ATRNL1: variants seen among roughly 807,000 people sequenced by gnomAD.
ATRNL1 encodes the protein attractin like 1, also known as attractin-like protein 1.
In ATRNL1, 95 loss-of-function variants were observed where a neutral mutation model predicts 182.7. The observed-to-expected ratio is 0.52, with a 90% CI of 0.44 to 0.62. The LOEUF (loss-of-function observed/expected upper bound fraction) is 0.62, where lower values mean the gene tolerates loss of function less well. Among genes scored for constraint, ATRNL1 ranks in the 20% least tolerant of loss-of-function variants. ATRNL1 has a pLI of 0.00. For missense variants in ATRNL1, 1,471 were observed against 1,679.5 expected, an observed-to-expected ratio of 0.88 and a Z score of 2.17; for synonymous variants, 576 against 568.3, an observed-to-expected ratio of 1.01 and a Z score of -0.19.
chr10:115,169,799 C>A (rs1442122145), intron 7 of ATRNL1, among the ~76,000 whole-genome samples: 2 of 151,990 alleles, frequency 1.3e-5, no homozygotes, highest in Admixed American at 1.3e-4. Context: ...TTATTTATAT[C>A]TTTTAAAAAT....
At chr10:115,497,833 T>G (rs1011166693) in intron 24 of ATRNL1, among the ~76,000 whole-genome samples, 7 of 152,056 alleles carry the variant, frequency 4.6e-5, no homozygotes, top group African/African-American at 1.7e-4. Context: ...AATTTTTGTA[T>G]TTTTAGTAGA....
At chr10:115,180,686 C>T (rs1847715497) in intron 8 of ATRNL1, among the ~76,000 whole-genome samples, 1 of 151,902 alleles carries the variant, frequency 6.6e-6, no homozygotes, top group Non-Finnish European at 1.5e-5. Context: ...AACCATGGAA[C>T]AAAATTTTCA....
intron 27 of ATRNL1, among the ~76,000 whole-genome samples, chr10:115,803,244 T>C (rs1401349682): frequency 1.4e-5 from 2 of 139,694 alleles, no homozygotes; most frequent in Non-Finnish European, 3.2e-5. Flanking sequence ...CCTAAATTAA[T>C]TTGGCAAGAT....
chr10:115,596,925 T>G (rs1367236387), intron 26 of ATRNL1, among the ~76,000 whole-genome samples: 1 of 152,132 alleles, frequency 6.6e-6, no homozygotes, highest in African/African-American at 2.4e-5. Context: ...CAATAATTGA[T>G]TTATAATGTT....
intron 1 of ATRNL1, among the ~76,000 whole-genome samples, chr10:115,116,224 T>C (rs1182359523): frequency 1.3e-5 from 2 of 152,076 alleles, no homozygotes; most frequent in African/African-American, 4.8e-5. Flanking sequence ...GTAGTACTGA[T>C]CTAGATGAAT....
At chr10:115,588,452 A>C (rs1171875233) in intron 26 of ATRNL1, among the ~76,000 whole-genome samples, 1 of 152,234 alleles carries the variant, frequency 6.6e-6, no homozygotes, top group East Asian at 1.9e-4. Context: ...CCAAAACTTT[A>C]GTAAGATGGC....
rs797025520 is a variant in ATRNL1 at position 115,228,354 on chromosome 10, A to G, written c.1532+12474A>G. On this transcript the variant is annotated intron_variant, in intron 9 of 28. Transcript: ENST00000355044. The stretch of plus-strand genomic sequence containing the variant: ...AAATGATTCCTTTTATGTTTTTGGT[A>G]TATTTTGCTGATTCATATTATCTTT... Among the ~76,000 whole-genome samples the G allele has an allele frequency of 2.6e-5, 4 of 152,150 alleles. No individual in the cohort carries two copies. In the East Asian group the frequency reaches 7.7e-4, roughly 29 times the overall value.
intron 26 of ATRNL1, among the ~76,000 whole-genome samples, chr10:115,574,910 G>A (rs940882377): frequency 2.0e-5 from 3 of 152,072 alleles, no homozygotes; most frequent in Non-Finnish European, 2.9e-5. Flanking sequence ...ATTTGGAAAT[G>A]GCTATAACTT....
chr10:115,802,701 C>CT (rs1949825950), intron 27 of ATRNL1, among the ~76,000 whole-genome samples: 1 of 152,064 alleles, frequency 6.6e-6, no homozygotes, highest in African/African-American at 2.4e-5. Flanking sequence ...TGGGACTTGG[C>CT]TTTTAGTCTA....
At chr10:115,931,783 C>T (rs1048864773) in intron 28 of ATRNL1, among the ~76,000 whole-genome samples, 1 of 152,198 alleles carries the variant, frequency 6.6e-6, no homozygotes, top group African/African-American at 2.4e-5. Flanking sequence ...TAACCCATCA[C>T]GTTGCCATCC....
At chr10:115,813,982 T>G (rs1950107497) in intron 27 of ATRNL1, among the ~76,000 whole-genome samples, 1 of 152,120 alleles carries the variant, frequency 6.6e-6, no homozygotes, top group South Asian at 2.1e-4. Context: ...TAATTTTCCT[T>G]CATTGACATA....
intron 19 of ATRNL1, among the ~76,000 whole-genome samples, chr10:115,368,370 C>T (rs1431455978): frequency 6.6e-6 from 1 of 152,230 alleles, no homozygotes; most frequent in East Asian, 1.9e-4. Flanking sequence ...CAAAGCCTCG[C>T]CCTGCTTCGG....
chr10:115,327,948 A>T (rs1592458675), intron 18 of ATRNL1, among the ~76,000 whole-genome samples: 1 of 149,108 alleles, frequency 6.7e-6, no homozygotes, highest in Admixed American at 6.7e-5. Context: ...GGTGGGGGGA[A>T]GTGGGGAGGG....
chr10:115,800,543 G>A (rs530467306), intron 27 of ATRNL1, among the ~76,000 whole-genome samples: 4 of 152,282 alleles, frequency 2.6e-5, no homozygotes, highest in East Asian at 1.9e-4. Context: ...GCAGGAAAGA[G>A]TTGCTTCTAG....
intron 1 of ATRNL1, among the ~76,000 whole-genome samples, chr10:115,116,199 A>G (rs1056123748): frequency 1.3e-5 from 2 of 152,104 alleles, no homozygotes. Flanking sequence ...TTACACAAAC[A>G]GGCTAGTAGT....
At chr10:115,365,318 G>T (rs1229517432) in intron 19 of ATRNL1, among the ~76,000 whole-genome samples, 2 of 151,380 alleles carry the variant, frequency 1.3e-5, no homozygotes, top group Non-Finnish European at 3.0e-5. Context: ...AGAGGTGTTT[G>T]TAGTATTCTC....
At chr10:115,388,370 G>A (rs900775575) in intron 19 of ATRNL1, among the ~76,000 whole-genome samples, 2 of 151,954 alleles carry the variant, frequency 1.3e-5, no homozygotes, top group African/African-American at 4.8e-5. Flanking sequence ...TTTTAGCTTT[G>A]GTACTAAAAA....
intron 28 of ATRNL1, among the ~76,000 whole-genome samples, chr10:115,882,442 T>C (rs1951847035): frequency 6.6e-6 from 1 of 152,214 alleles, no homozygotes; most frequent in Non-Finnish European, 1.5e-5. Flanking sequence ...AGTTAGTTGT[T>C]CTTTCCCATA....
intron 19 of ATRNL1, among the ~76,000 whole-genome samples, chr10:115,379,210 AT>A (rs1175123403): frequency 3.9e-5 from 6 of 152,212 alleles, no homozygotes; most frequent in Admixed American, 2.0e-4. Context: ...CATATATAAA[AT>A]TTTAAACAAA....
Sources: gnomAD v4.1 joint callset for allele counts (sites outside exome capture counted in the v4.1 genomes callset) on GRCh38, gnomAD v4.1.1 for gene constraint, MANE v1.5 for transcripts, NCBI Gene and HGNC (gene_info 2026-07-23, HGNC 2026-07-21) for gene names.